The following LRP1B variants were observed in gnomAD, a reference collection of about 807,000 sequenced individuals.
LRP1B encodes LDL receptor related protein 1B, also known as low-density lipoprotein receptor-related protein 1B.
Under a neutral mutation model 556.6 loss-of-function variants are expected in LRP1B, and 217 were observed. The ratio of observed to expected loss-of-function variants is 0.39; its 90% confidence interval spans 0.35 to 0.44. LRP1B has a LOEUF of 0.44. Ranked by LOEUF, LRP1B falls within the 20% of genes least tolerant of loss-of-function variation. LRP1B has a pLI of 1.00. For missense variants in LRP1B, 5,053 were observed against 5,620.8 expected, an observed-to-expected ratio of 0.90 and a Z score of 3.23; for synonymous variants, 2,047 against 1,865.8, an observed-to-expected ratio of 1.10 and a Z score of -2.50.
At chr2:140,647,602 T>C (rs1348350254) in intron 41 of LRP1B, among the ~76,000 whole-genome samples, 1 of 152,198 alleles carries the variant, frequency 6.6e-6, no homozygotes, top group Non-Finnish European at 1.5e-5. Context: ...ACAAGTCAGA[T>C]GTGGTTCCTG....
chr2:141,564,853 A>G (rs1686276601), intron 2 of LRP1B, among the ~76,000 whole-genome samples: 1 of 152,098 alleles, frequency 6.6e-6, no homozygotes, highest in East Asian at 1.9e-4. Context: ...AACTAAGAAC[A>G]GTGCATTATA....
chr2:140,784,054 G>A (rs1369217689), intron 32 of LRP1B, among the ~76,000 whole-genome samples: 1 of 152,066 alleles, frequency 6.6e-6, no homozygotes, highest in Non-Finnish European at 1.5e-5. Flanking sequence ...TGGCCCAGTG[G>A]GTCTTCACCT....
At chr2:140,595,087 A>AATATATCTATATCT (rs1204829412) in intron 43 of LRP1B, among the ~76,000 whole-genome samples, 3 of 99,680 alleles carry the variant, frequency 3.0e-5, no homozygotes, top group African/African-American at 6.7e-5. Flanking sequence ...ATATAAATTG[A>AATATATCTATATCT]ATATATATAT....
chr2:140,297,743 G>A (rs1246531835), intron 84 of LRP1B, 65 bp downstream of exon 84: 1 of 1,501,630 alleles, frequency 6.7e-7, no homozygotes, highest in Non-Finnish European at 9.0e-7. Context: ...GGAAGGAGTG[G>A]ATACAGGAAA....
intron 35 of LRP1B, among the ~76,000 whole-genome samples, chr2:140,748,418 A>T (rs1210139934): frequency 3.1e-5 from 3 of 97,328 alleles, no homozygotes; most frequent in South Asian, 3.6e-4. Context: ...TTCATATATA[A>T]TATATATTAT....
intron 32 of LRP1B, among the ~76,000 whole-genome samples, chr2:140,804,939 T>C (rs1690659584): frequency 6.6e-6 from 1 of 152,070 alleles, no homozygotes; most frequent in African/African-American, 2.4e-5. Context: ...TTGTGATAAC[T>C]TCAAGTTTGT....
At chr2:142,008,438 C>G (rs1574587795) in intron 1 of LRP1B, among the ~76,000 whole-genome samples, 1 of 152,100 alleles carries the variant, frequency 6.6e-6, no homozygotes, top group African/African-American at 2.4e-5. Context: ...ACACGGGATC[C>G]TTTCCTGATT....
At chr2:140,643,641 A>C (rs779295555) in intron 41 of LRP1B, among the ~76,000 whole-genome samples, 2 of 152,214 alleles carry the variant, frequency 1.3e-5, no homozygotes, top group Non-Finnish European at 2.9e-5. Flanking sequence ...AAAATGGAAA[A>C]CAAAATAATT....
intron 3 of LRP1B, among the ~76,000 whole-genome samples, chr2:141,424,260 T>C (rs1432873005): frequency 6.6e-6 from 1 of 152,030 alleles, no homozygotes; most frequent in African/African-American, 2.4e-5. Flanking sequence ...ATTACAGGCA[T>C]GCGCCACCAC....
intron 55 of LRP1B, among the ~76,000 whole-genome samples, chr2:140,496,384 C>T (rs1056862587): frequency 1.3e-5 from 2 of 152,064 alleles, no homozygotes; most frequent in African/African-American, 4.8e-5. Context: ...ATTTTTAATA[C>T]ATAGTAATCC....
At position 141,951,718 on chromosome 2, in the gene LRP1B, T is replaced by C. The variant is rs143134051; in HGVS notation, c.83-141317A>G. Among the ~76,000 whole-genome samples, 447 of 152,206 alleles carry C rather than the reference T, an allele frequency of 2.9e-3. 9 individuals carry two copies. The highest frequency in any genetic ancestry group is 0.027 in the Admixed American group (417 of 15,262). Reference sequence around the variant, plus strand: ...CATTTCACATTTCATATATAGACAATTGGATTTTATTCCATTTATATTAGC... The same window carrying C: ...CATTTCACATTTCATATATAGACAACTGGATTTTATTCCATTTATATTAGC... On this transcript the variant is annotated intron_variant, in intron 1 of 90. Coordinates refer to ENST00000389484, the MANE Select transcript of LRP1B (RefSeq NM_018557.3).
At chr2:141,094,787 T>G (rs2104919804) in intron 7 of LRP1B, among the ~76,000 whole-genome samples, 1 of 152,256 alleles carries the variant, frequency 6.6e-6, no homozygotes, top group East Asian at 1.9e-4. Context: ...AATTTTAAGT[T>G]TAAAAGGATA....
chr2:141,528,165 A>G (rs866170398), intron 2 of LRP1B, among the ~76,000 whole-genome samples: 4 of 151,704 alleles, frequency 2.6e-5, no homozygotes, highest in Middle Eastern at 3.4e-3. Context: ...TTAGAGATGA[A>G]ACATCCAAGT....
rs16844047 is a variant in LRP1B at position 140,471,398 on chromosome 2, A to G, written c.9625+3740T>C. On this transcript the variant is annotated intron_variant, in intron 60 of 90. Coordinates refer to ENST00000389484, the MANE Select transcript of LRP1B (RefSeq NM_018557.3). The stretch of plus-strand genomic sequence containing the variant: ...AGAGATTCTGAATATCTAAATTAGG[A>G]GTAGTTTGGCACTATTAATTCTTTT... 8.5e-3 allele frequency among the ~76,000 whole-genome samples: 1,297 copies of G among 152,284 alleles called. 30 individuals are homozygous for G. Among genetic ancestry groups the G allele is most frequent in the African/African-American group, 0.028 (1,149 of 41,556 alleles).
At chr2:141,031,276 CACACAT>C (rs753179853) in intron 11 of LRP1B, among the ~76,000 whole-genome samples, 1,418 of 93,740 alleles carry the variant, frequency 0.015, 22 homozygotes, top group Admixed American at 0.041. Flanking sequence ...CACACACACA[CACACAT>C]ACATACATAT....
At chr2:140,618,652 G>T (rs748267477) in intron 41 of LRP1B, among the ~76,000 whole-genome samples, 29 of 152,110 alleles carry the variant, frequency 1.9e-4, no homozygotes, top group Non-Finnish European at 3.2e-4. Flanking sequence ...CAGGACAGAA[G>T]AACTTAGGAC....
At chr2:141,501,183 T>C (rs1474738335) in intron 2 of LRP1B, among the ~76,000 whole-genome samples, 1 of 152,148 alleles carries the variant, frequency 6.6e-6, no homozygotes, top group Non-Finnish European at 1.5e-5. Flanking sequence ...AACTTTCATC[T>C]TCTTTGACTT....
At chr2:141,273,034 C>T (rs544492041) in intron 3 of LRP1B, among the ~76,000 whole-genome samples, 49 of 152,164 alleles carry the variant, frequency 3.2e-4, no homozygotes, top group East Asian at 1.7e-3. Context: ...TTATGCCAGG[C>T]GGGGTGGCTC....
At chr2:141,621,200 C>T (rs12614446) in intron 2 of LRP1B, among the ~76,000 whole-genome samples, 110,954 of 152,036 alleles carry the variant, frequency 0.73, 41,305 homozygotes, top group East Asian at 0.84. Context: ...ATCATCAATG[C>T]TCATATTGTT....
Sources: gnomAD v4.1 joint callset for allele counts (sites outside exome capture counted in the v4.1 genomes callset) on GRCh38, gnomAD v4.1.1 for gene constraint, MANE v1.5 for transcripts, NCBI Gene and HGNC (gene_info 2026-07-23, HGNC 2026-07-21) for gene names.